Variants in UBAP1 observed in about 807,000 individuals in gnomAD.
UBAP1 encodes the protein ubiquitin-associated protein 1.
In UBAP1, 5 loss-of-function variants were observed where a neutral mutation model predicts 39.0. That is an observed-to-expected ratio of 0.13 (90% CI 0.07 to 0.27). UBAP1 has a LOEUF of 0.27. UBAP1 is among the 10% of genes least tolerant of loss of function. The probability of loss-of-function intolerance (pLI) is 1.00; values close to 1 mark genes in which losing one functional copy is unlikely to be tolerated. For missense variants in UBAP1, 490 were observed against 608.1 expected (o/e 0.81, Z 2.04); for synonymous variants, 211 against 225.1 (o/e 0.94, Z 0.56).
At chr9:34,208,277 T>G (rs78892924) in intron 1 of UBAP1, among the ~76,000 whole-genome samples, 4,102 of 152,212 alleles carry the variant, frequency 0.027, 188 homozygotes, top group African/African-American at 0.094. Context: ...TTTTCCGAAG[T>G]TTTTTGGCAC....
At chr9:34,202,624 C>CGTGT (rs56012034) in intron 1 of UBAP1, among the ~76,000 whole-genome samples, 4,991 of 107,290 alleles carry the variant, frequency 0.047, 196 homozygotes, top group African/African-American at 0.067. Context: ...TAGACAGAAA[C>CGTGT]GTGTGTGTGT....
At chr9:34,224,404 G>A (rs1034918859) in intron 2 of UBAP1, 2 of 416,478 alleles carry the variant, frequency 4.8e-6, no homozygotes, top group Non-Finnish European at 9.1e-6. Flanking sequence ...GATGATCCTT[G>A]TTTTGCAAAT....
intron 1 of UBAP1, among the ~76,000 whole-genome samples, chr9:34,217,423 A>G (rs1377376145): frequency 6.6e-6 from 1 of 152,094 alleles, no homozygotes; most frequent in African/African-American, 2.4e-5. Flanking sequence ...TTTTGTAGAT[A>G]CTGGGTTTCA....
chr9:34,235,464 G>A (rs909148828), intron 3 of UBAP1, among the ~76,000 whole-genome samples: 20 of 151,588 alleles, frequency 1.3e-4, no homozygotes, highest in Non-Finnish European at 2.8e-4. Flanking sequence ...TCAGCCTCCC[G>A]AGTAGCTGGG....
intron 1 of UBAP1, among the ~76,000 whole-genome samples, chr9:34,197,335 G>A (rs1442968555): frequency 6.6e-6 from 1 of 151,012 alleles, no homozygotes; most frequent in Non-Finnish European, 1.5e-5. Flanking sequence ...TTATAGAGAC[G>A]GGTTTCACTA....
At chr9:34,244,299 GTCTT>G (rs1170563088) in intron 4 of UBAP1, among the ~76,000 whole-genome samples, 1 of 150,164 alleles carries the variant, frequency 6.7e-6, no homozygotes, top group African/African-American at 2.5e-5. Context: ...TGTGATGTTT[GTCTT>G]TCTATGCCTG....
intron 1 of UBAP1, among the ~76,000 whole-genome samples, chr9:34,189,129 T>G (rs1203654732): frequency 6.6e-6 from 1 of 152,052 alleles, no homozygotes; most frequent in African/African-American, 2.4e-5. Flanking sequence ...TTCAGTAGTT[T>G]CATGGGGAAG....
intron 1 of UBAP1, among the ~76,000 whole-genome samples, chr9:34,203,021 G>T (rs1226934766): frequency 6.6e-6 from 1 of 152,042 alleles, no homozygotes; most frequent in African/African-American, 2.4e-5. Flanking sequence ...CAGTCTGTAG[G>T]TTCTCTTTTC....
intron 3 of UBAP1, among the ~76,000 whole-genome samples, chr9:34,239,987 G>C (rs1833880036): frequency 6.6e-6 from 1 of 152,090 alleles, no homozygotes; most frequent in South Asian, 2.1e-4. Context: ...ATGTTTGCTA[G>C]AAAAGGAAAG....
intron 1 of UBAP1, among the ~76,000 whole-genome samples, chr9:34,192,829 G>T (rs1458554256): frequency 6.6e-6 from 1 of 151,940 alleles, no homozygotes; most frequent in East Asian, 1.9e-4. Flanking sequence ...TTAGATTTTA[G>T]AATTATAGGA....
intron 4 of UBAP1, among the ~76,000 whole-genome samples, chr9:34,248,461 G>C (rs150461429): frequency 3.6e-4 from 55 of 152,308 alleles, no homozygotes; most frequent in African/African-American, 1.3e-3. Context: ...TTCCTGGCTG[G>C]GGAATGTCAT....
At chr9:34,228,532 G>A (rs761528150) in intron 2 of UBAP1, among the ~76,000 whole-genome samples, 24 of 151,138 alleles carry the variant, frequency 1.6e-4, no homozygotes, top group Non-Finnish European at 3.2e-4. Context: ...ACTTACGGTG[G>A]TCTCTATCCA....
At chr9:34,179,026 G>C (rs1362522691), upstream of UBAP1, 5 of 1,260,320 alleles carry the variant, frequency 4.0e-6, no homozygotes, top group Middle Eastern at 2.1e-4. Context: ...TGAGTGGGGC[G>C]GTGAGGGGAA....
At chr9:34,215,413 C>G (rs982179504) in intron 1 of UBAP1, among the ~76,000 whole-genome samples, 3 of 151,504 alleles carry the variant, frequency 2.0e-5, no homozygotes, top group African/African-American at 7.3e-5. Flanking sequence ...GGAGACTGTT[C>G]TAAGTAAAGT....
chr9:34,211,521 GA>G (rs1271557139), intron 1 of UBAP1, among the ~76,000 whole-genome samples: 1 of 152,076 alleles, frequency 6.6e-6, no homozygotes, highest in African/African-American at 2.4e-5. Context: ...TTTGTTTTGG[GA>G]AGCATTTTTA....
chr9:34,247,485 C>T (rs577215223), intron 4 of UBAP1, among the ~76,000 whole-genome samples: 8 of 152,030 alleles, frequency 5.3e-5, no homozygotes, highest in South Asian at 2.1e-4. Context: ...AGTGCAGTGG[C>T]GCAATCTTGG....
intron 4 of UBAP1, among the ~76,000 whole-genome samples, chr9:34,247,415 C>CT (rs1016349267): frequency 3.3e-5 from 5 of 152,022 alleles, no homozygotes; most frequent in Non-Finnish European, 5.9e-5. Context: ...ATAAATATAT[C>CT]TTTTTTTCTT....
chr9:34,212,291 C>T (rs1421921604), intron 1 of UBAP1, among the ~76,000 whole-genome samples: 1 of 151,424 alleles, frequency 6.6e-6, no homozygotes, highest in Non-Finnish European at 1.5e-5. Context: ...GTGGCTTATA[C>T]CTGTAATCCT....
intron 2 of UBAP1, among the ~76,000 whole-genome samples, chr9:34,221,945 G>A (rs1832784137): frequency 6.6e-6 from 1 of 152,026 alleles, no homozygotes; most frequent in Non-Finnish European, 1.5e-5. Context: ...TTTTAAGAGA[G>A]GTTTTAAAGC....
Sources: gnomAD v4.1 joint callset for allele counts (sites outside exome capture counted in the v4.1 genomes callset) on GRCh38, gnomAD v4.1.1 for gene constraint, MANE v1.5 for transcripts, NCBI Gene and HGNC (gene_info 2026-07-23, HGNC 2026-07-21) for gene names.